The following DNAJC1 variants were observed in gnomAD, a reference collection of about 807,000 sequenced individuals.
The protein encoded by DNAJC1 is dnaJ homolog subfamily C member 1.
A neutral mutation model predicts 76.6 loss-of-function variants in DNAJC1; 58 were observed. That is an observed-to-expected ratio of 0.76 (90% confidence interval 0.61 to 0.94). The LOEUF (loss-of-function observed/expected upper bound fraction) is 0.94. Among genes scored for constraint, DNAJC1 ranks in the 40% least tolerant of loss-of-function variants. DNAJC1 has a pLI of 0.00. For synonymous variants in DNAJC1, 258 were observed against 267.9 expected, an observed-to-expected ratio of 0.96 and a Z score of 0.36; for missense variants, 689 against 677.3, an observed-to-expected ratio of 1.02 and a Z score of -0.19.
At chr10:21,960,333 A>G (rs1438777738) in intron 1 of DNAJC1, among the ~76,000 whole-genome samples, 1 of 152,218 alleles carries the variant, frequency 6.6e-6, no homozygotes, top group African/African-American at 2.4e-5. Context: ...CATTTAAAAA[A>G]TCAACTAAAT....
intron 7 of DNAJC1, among the ~76,000 whole-genome samples, chr10:21,902,654 G>C (rs1836678015): frequency 6.6e-6 from 1 of 152,114 alleles, no homozygotes; most frequent in South Asian, 2.1e-4. Flanking sequence ...CTCTTAAGCA[G>C]AACAAAAGTC....
intron 9 of DNAJC1, among the ~76,000 whole-genome samples, chr10:21,776,250 C>T (rs539870380): frequency 1.3e-5 from 2 of 152,280 alleles, no homozygotes; most frequent in South Asian, 4.1e-4. Context: ...TTACATATTT[C>T]TGTTCAACGT....
chr10:21,772,319 T>G (rs1834395108), intron 9 of DNAJC1, among the ~76,000 whole-genome samples: 1 of 150,528 alleles, frequency 6.6e-6, no homozygotes, highest in Non-Finnish European at 1.5e-5. Context: ...TTTTAAATGT[T>G]TGGTAGAATT....
rs374463733 is a variant in DNAJC1, at chr10:21,881,920, C to T, written c.978+362G>A. Among the ~76,000 whole-genome samples the T allele has an allele frequency of 6.7e-5, 10 of 150,336 alleles. No homozygotes were observed. The East Asian group carries it at 1.2e-3, about 18-fold the overall frequency. ...CTGTAATCCCAGCACTTTGGGAGGC[C>T]GAGGGGGGCAGATCATGAGGTCAGA... On this transcript the variant is annotated intron_variant, in intron 8 of 11. Coordinates refer to ENST00000376980, the MANE Select transcript of DNAJC1 (RefSeq NM_022365.4).
At chr10:21,767,121 A>G (rs1317997859) in intron 9 of DNAJC1, among the ~76,000 whole-genome samples, 1 of 152,180 alleles carries the variant, frequency 6.6e-6, no homozygotes, top group Non-Finnish European at 1.5e-5. Flanking sequence ...ATTTATGCTA[A>G]TAGTGTTATA....
intron 1 of DNAJC1, among the ~76,000 whole-genome samples, chr10:21,965,650 T>C (rs896606289): frequency 6.6e-6 from 1 of 152,160 alleles, no homozygotes; most frequent in Admixed American, 6.5e-5. Flanking sequence ...GCTTTAAAGA[T>C]AATAATATCA....
At chr10:21,910,964 G>T (rs937844387) in intron 6 of DNAJC1, among the ~76,000 whole-genome samples, 9 of 145,012 alleles carry the variant, frequency 6.2e-5, no homozygotes, top group Non-Finnish European at 1.1e-4. Flanking sequence ...GAGAGAGAAA[G>T]AAAGAGGGGG....
chr10:21,956,108 G>A (rs1174519602), intron 1 of DNAJC1, among the ~76,000 whole-genome samples: 1 of 152,166 alleles, frequency 6.6e-6, no homozygotes, highest in African/African-American at 2.4e-5. Context: ...GGAGTCCAAA[G>A]TCAAAGGGCC....
chr10:21,911,141 G>A (rs1836856279), intron 6 of DNAJC1, among the ~76,000 whole-genome samples: 1 of 151,894 alleles, frequency 6.6e-6, no homozygotes, highest in South Asian at 2.1e-4. Flanking sequence ...ACAGTGGTAG[G>A]GGGAGGGAAA....
At chr10:21,990,369 A>AT (rs1392791056) in intron 1 of DNAJC1, among the ~76,000 whole-genome samples, 10 of 151,936 alleles carry the variant, frequency 6.6e-5, no homozygotes, top group African/African-American at 1.2e-4. Flanking sequence ...GTTTGGATGT[A>AT]TTTTTTTTAA....
rs541404427 is a variant in DNAJC1, at chr10:21,980,350, T to C, written c.222+22863A>G. On this transcript the variant is annotated intron_variant, in intron 1 of 11. Transcript: ENST00000376980. ...TTAACATCATCTGTGATGAGATATATGGATATCATGTGCCTCCTGATACAA... is the reference window on the plus strand; with the variant it reads ...TTAACATCATCTGTGATGAGATATACGGATATCATGTGCCTCCTGATACAA... 2.6e-5 allele frequency among the ~76,000 whole-genome samples: 4 copies of C among 152,250 alleles called. No homozygotes were observed. In the South Asian group the frequency reaches 8.3e-4, roughly 32 times the overall value.
chr10:21,985,313 G>A lies in DNAJC1; in HGVS notation c.222+17900C>T, dbSNP rs560963101. Among the ~76,000 whole-genome samples, 141 of 148,834 alleles carry A rather than the reference G, an allele frequency of 9.5e-4. 1 individual carries two copies. The highest frequency in any genetic ancestry group is 3.1e-3 in the African/African-American group (125 of 40,324). ...TGCCCAGGCTGGAGTGCAGGGGCACGATCTTGGCTCACTGCAACCTCTGCC... is the reference window on the plus strand; with the variant it reads ...TGCCCAGGCTGGAGTGCAGGGGCACAATCTTGGCTCACTGCAACCTCTGCC... On this transcript the variant is annotated intron_variant, in intron 1 of 11. Transcript: ENST00000376980.
At chr10:21,944,527 T>C (rs1051519778) in intron 1 of DNAJC1, among the ~76,000 whole-genome samples, 3 of 152,122 alleles carry the variant, frequency 2.0e-5, no homozygotes, top group Non-Finnish European at 4.4e-5. Flanking sequence ...TCATGGTAGT[T>C]TCCTGGTCCC....
At chr10:21,918,118 T>G (rs1009786012) in intron 6 of DNAJC1, among the ~76,000 whole-genome samples, 1 of 151,988 alleles carries the variant, frequency 6.6e-6, no homozygotes, top group Non-Finnish European at 1.5e-5. Context: ...TGTTGGGGAT[T>G]TTCAAACCTG....
At chr10:21,961,291 T>C (rs1837786907) in intron 1 of DNAJC1, among the ~76,000 whole-genome samples, 1 of 152,204 alleles carries the variant, frequency 6.6e-6, no homozygotes, top group Admixed American at 6.5e-5. Flanking sequence ...CACAGCAGCA[T>C]TATTCACAAT....
chr10:21,883,879 A>C (rs1836324133), intron 7 of DNAJC1, among the ~76,000 whole-genome samples: 1 of 152,222 alleles, frequency 6.6e-6, no homozygotes, highest in Admixed American at 6.6e-5. Context: ...TTATAAGTCT[A>C]GGATTGTCTA....
At chr10:21,800,327 A>T (rs1834799983) in intron 9 of DNAJC1, among the ~76,000 whole-genome samples, 1 of 152,170 alleles carries the variant, frequency 6.6e-6, no homozygotes. Flanking sequence ...ACTAGTGGGA[A>T]TGTGTATTGT....
chr10:21,770,138 C>T (rs539719745), intron 9 of DNAJC1, among the ~76,000 whole-genome samples: 1 of 152,260 alleles, frequency 6.6e-6, no homozygotes, highest in Admixed American at 6.5e-5. Flanking sequence ...CAGTTCAATT[C>T]CATTTGTTCC....
At chr10:21,852,129 ACACACG>A (rs768633426) in intron 8 of DNAJC1, among the ~76,000 whole-genome samples, 1 of 130,380 alleles carries the variant, frequency 7.7e-6, no homozygotes, top group South Asian at 2.6e-4. Context: ...ACACACACAC[ACACACG>A]GAATATTATT....
Sources: gnomAD v4.1 joint callset for allele counts (sites outside exome capture counted in the v4.1 genomes callset) on GRCh38, gnomAD v4.1.1 for gene constraint, MANE v1.5 for transcripts, NCBI Gene and HGNC (gene_info 2026-07-23, HGNC 2026-07-21) for gene names.